Variants in RGS6 observed in about 807,000 individuals in gnomAD.
RGS6 encodes regulator of G-protein signaling 6.
Under a neutral mutation model 78.5 loss-of-function variants are expected in RGS6, and 30 were observed. That is an observed-to-expected ratio of 0.38 (90% confidence interval 0.29 to 0.52). The LOEUF (loss-of-function observed/expected upper bound fraction) is 0.52, where lower values mean the gene tolerates loss of function less well. RGS6 is among the 20% of genes least tolerant of loss of function. The pLI, the probability that RGS6 is intolerant of heterozygous loss-of-function variation, is 0.85. For synonymous variants in RGS6, 206 were observed against 206.0 expected, an observed-to-expected ratio of 1.00 and a Z score of 0.00; for missense variants, 495 against 609.7, an observed-to-expected ratio of 0.81 and a Z score of 1.98.
In RGS6 at chr14:72,112,950, T is replaced by C. The variant is rs528710479; in HGVS notation, c.84+148075T>C. Among the ~76,000 whole-genome samples, 5 of 152,360 alleles carry C rather than the reference T, an allele frequency of 3.3e-5. No homozygotes were observed. In the South Asian group the frequency reaches 6.2e-4, roughly 19 times the overall value. On this transcript the variant is annotated intron_variant, in intron 2 of 17. Transcript: ENST00000553525. Reference sequence around the variant, plus strand: ...ATAAAGTTCATTCCCCTGAATCAAATGCAGAAAACAGTTCTCTTATGGGTT... The same window carrying C: ...ATAAAGTTCATTCCCCTGAATCAAACGCAGAAAACAGTTCTCTTATGGGTT...
At chr14:71,880,545 G>A in the RGS6 span, among the ~76,000 whole-genome samples, 13 of 152,190 alleles carry the variant, frequency 8.5e-5, no homozygotes, top group Admixed American at 6.5e-4. Flanking sequence ...CACTCCAACT[G>A]TGGCTAAAAG....
chr14:72,416,653 C>G (rs114823659), intron 3 of RGS6, among the ~76,000 whole-genome samples: 1 of 152,120 alleles, frequency 6.6e-6, no homozygotes, highest in Non-Finnish European at 1.5e-5. Flanking sequence ...GGCTGTAGTG[C>G]TAATATAACC....
At chr14:72,223,594 G>T (rs963876946) in intron 2 of RGS6, among the ~76,000 whole-genome samples, 1 of 152,188 alleles carries the variant, frequency 6.6e-6, no homozygotes, top group Admixed American at 6.5e-5. Flanking sequence ...TGGAAAGTTT[G>T]CCTGGAATGG....
intron 2 of RGS6, among the ~76,000 whole-genome samples, chr14:72,287,345 A>C (rs1247039889): frequency 6.6e-6 from 1 of 152,180 alleles, no homozygotes; most frequent in East Asian, 1.9e-4. Context: ...TAGTATGTTG[A>C]AAGTAAGTGG....
chr14:72,398,707 C>G (rs2152987056), intron 3 of RGS6, among the ~76,000 whole-genome samples: 1 of 152,300 alleles, frequency 6.6e-6, no homozygotes, highest in Non-Finnish European at 1.5e-5. Context: ...AAATTTCCCT[C>G]TACACACTGC....
chr14:72,005,467 A>AATCTATCTATCTATCTG (rs147417863), intron 2 of RGS6, among the ~76,000 whole-genome samples: 3 of 151,174 alleles, frequency 2.0e-5, no homozygotes, highest in African/African-American at 4.9e-5. Flanking sequence ...CTATCTATCT[A>AATCTATCTATCTATCTG]TATCTCCCTA....
At chr14:72,046,978 T>C (rs957642553) in intron 2 of RGS6, among the ~76,000 whole-genome samples, 1 of 152,226 alleles carries the variant, frequency 6.6e-6, no homozygotes, top group Non-Finnish European at 1.5e-5. Flanking sequence ...CCCTCTGATT[T>C]TGTTAGATGA....
chr14:72,285,960 G>A (rs1208449352), intron 2 of RGS6, among the ~76,000 whole-genome samples: 1 of 152,048 alleles, frequency 6.6e-6, no homozygotes, highest in African/African-American at 2.4e-5. Flanking sequence ...CCATTTCATA[G>A]GCTGCCTTTT....
intron 2 of RGS6, among the ~76,000 whole-genome samples, chr14:72,227,005 A>T (rs2048293261): frequency 6.6e-6 from 1 of 152,190 alleles, no homozygotes; most frequent in African/African-American, 2.4e-5. Context: ...GAGGACACCA[A>T]ACAAATCAAA....
intron 2 of RGS6, among the ~76,000 whole-genome samples, chr14:72,153,736 G>A (rs560511280): frequency 2.0e-5 from 3 of 152,258 alleles, no homozygotes; most frequent in African/African-American, 7.2e-5. Flanking sequence ...CAGGGAGTAG[G>A]TACAAAGATC....
At chr14:72,530,225 A>C (rs1360961179) in intron 15 of RGS6, among the ~76,000 whole-genome samples, 1 of 152,152 alleles carries the variant, frequency 6.6e-6, no homozygotes, top group Non-Finnish European at 1.5e-5. Context: ...AGAAGCAGGG[A>C]ACTGTTGCTT....
Position 72,340,042 on chromosome 14 carries a change from G to A in RGS6, c.85-12053G>A, listed in dbSNP as rs74951244. On this transcript the variant is annotated intron_variant, in intron 2 of 17. Transcript: ENST00000553525. ...TGCTATAAGAAAGCACCAAGGGAAG[G>A]GCCCTGCCTTTCCAGTTTCCCAGCA... is the stretch of plus-strand genomic sequence containing the variant. 5.3e-5 allele frequency among the ~76,000 whole-genome samples: 8 copies of A among 152,196 alleles called. No homozygotes were observed. The East Asian group carries it at 1.6e-3, about 30-fold the overall frequency.
intron 2 of RGS6, among the ~76,000 whole-genome samples, chr14:72,200,770 C>A (rs1002229323): frequency 6.6e-6 from 1 of 151,784 alleles, no homozygotes; most frequent in Non-Finnish European, 1.5e-5. Context: ...TCAATGTGGT[C>A]GACTTATTTA....
intron 2 of RGS6, among the ~76,000 whole-genome samples, chr14:72,154,880 A>G (rs898254479): frequency 2.6e-5 from 4 of 152,194 alleles, no homozygotes; most frequent in Non-Finnish European, 5.9e-5. Context: ...ATGAGTTACA[A>G]CAGCATGACC....
chr14:72,582,073 C>T, the RGS6 span, among the ~76,000 whole-genome samples: 5 of 152,022 alleles, frequency 3.3e-5, no homozygotes, highest in South Asian at 1.0e-3. Flanking sequence ...AATTTGTTTC[C>T]CAGGGAAAAC....
chr14:72,151,582 G>A (rs1199096226), intron 2 of RGS6, among the ~76,000 whole-genome samples: 1 of 152,172 alleles, frequency 6.6e-6, no homozygotes, highest in East Asian at 1.9e-4. Context: ...TGAATCTCTA[G>A]CTGTGTGCTT....
intron 3 of RGS6, among the ~76,000 whole-genome samples, chr14:72,384,243 G>C (rs1229596123): frequency 1.3e-5 from 2 of 152,162 alleles, no homozygotes; most frequent in Non-Finnish European, 2.9e-5. Flanking sequence ...TTGTCACTCG[G>C]TGTGGCCACT....
At chr14:72,062,497 A>C (rs773087346) in intron 2 of RGS6, among the ~76,000 whole-genome samples, 11 of 152,248 alleles carry the variant, frequency 7.2e-5, no homozygotes, top group Non-Finnish European at 1.3e-4. Flanking sequence ...AGACTTTTGC[A>C]TGAGTCCAAA....
chr14:72,540,248 A>C (rs750944772), intron 17 of RGS6, 154 bp downstream of exon 17: 2 of 1,528,310 alleles, frequency 1.3e-6, no homozygotes, highest in East Asian at 4.6e-5. Flanking sequence ...TTCTTTTGCG[A>C]GTGTCTGCAG....
Sources: gnomAD v4.1 joint callset for allele counts (sites outside exome capture counted in the v4.1 genomes callset) on GRCh38, gnomAD v4.1.1 for gene constraint, MANE v1.5 for transcripts, NCBI Gene and HGNC (gene_info 2026-07-23, HGNC 2026-07-21) for gene names.